Variants in PDE4D observed in about 807,000 individuals in gnomAD.
PDE4D encodes the protein 3',5'-cyclic-AMP phosphodiesterase 4D.
PDE4D carries 24 observed loss-of-function variants against 87.4 expected under a neutral mutation model. The observed-to-expected ratio is 0.27, with a 90% confidence interval of 0.20 to 0.39. PDE4D has a LOEUF of 0.39. Ranked by LOEUF, PDE4D falls within the 10% of genes least tolerant of loss-of-function variation. The pLI is 1.00. For synonymous variants in PDE4D, 384 were observed against 383.2 expected (o/e 1.00, Z -0.02); for missense variants, 714 against 1,041.0 (o/e 0.69, Z 4.32).
intron 1 of PDE4D, among the ~76,000 whole-genome samples, chr5:60,329,028 C>T (rs949025593): frequency 9.9e-5 from 15 of 152,272 alleles, no homozygotes; most frequent in South Asian, 6.2e-4. Flanking sequence ...TTTTCACAGT[C>T]GTCTCTCTTT....
chr5:59,966,431 A>T (rs1200915296), intron 3 of PDE4D, among the ~76,000 whole-genome samples: 1 of 152,180 alleles, frequency 6.6e-6, no homozygotes, highest in Non-Finnish European at 1.5e-5. Flanking sequence ...TTTCTCTCTC[A>T]GGTGTATAGG....
At chr5:59,447,620 A>G (rs887314894) in intron 1 of PDE4D, among the ~76,000 whole-genome samples, 1 of 152,260 alleles carries the variant, frequency 6.6e-6, no homozygotes, top group South Asian at 2.1e-4. Flanking sequence ...TGAGGAAGTA[A>G]CATTAGATAT....
chr5:59,015,992 C>T (rs1455812030), intron 6 of PDE4D, among the ~76,000 whole-genome samples: 1 of 152,088 alleles, frequency 6.6e-6, no homozygotes, highest in East Asian at 1.9e-4. Flanking sequence ...ATGGATGAAA[C>T]TGGAAGCCAT....
chr5:59,082,246 A>G (rs1334351938), intron 5 of PDE4D, among the ~76,000 whole-genome samples: 1 of 152,196 alleles, frequency 6.6e-6, no homozygotes, highest in East Asian at 1.9e-4. Flanking sequence ...TTTCATGGTA[A>G]TGAATAGCTT....
chr5:59,582,960 G>C (rs1229273253), intron 1 of PDE4D, among the ~76,000 whole-genome samples: 2 of 152,044 alleles, frequency 1.3e-5, no homozygotes, highest in Non-Finnish European at 2.9e-5. Context: ...TCCTCAGAGG[G>C]GCCCTCCATG....
intron 6 of PDE4D, among the ~76,000 whole-genome samples, chr5:59,012,310 C>A (rs528445395): frequency 3.0e-4 from 46 of 152,094 alleles, no homozygotes; most frequent in Non-Finnish European, 5.4e-4. Flanking sequence ...CAATATTAAC[C>A]TTATATGTAA....
intron 2 of PDE4D, among the ~76,000 whole-genome samples, chr5:59,196,569 C>T (rs1490605155): frequency 6.6e-6 from 1 of 152,094 alleles, no homozygotes; most frequent in East Asian, 1.9e-4. Context: ...GAAATATTTA[C>T]AGATACACCA....
chr5:59,097,811 C>T (rs921187968), intron 5 of PDE4D, among the ~76,000 whole-genome samples: 1 of 152,110 alleles, frequency 6.6e-6, no homozygotes, highest in African/African-American at 2.4e-5. Flanking sequence ...CAATTACAAG[C>T]CTTGTGTCTC....
In PDE4D at chr5:60,426,505, G is replaced by A. The variant is rs193130591; in HGVS notation, c.-90+61437C>T. 7.8e-3 allele frequency among the ~76,000 whole-genome samples: 1,187 copies of A among 151,892 alleles called. 16 individuals are homozygous for A. The highest frequency in any genetic ancestry group is 0.027 in the African/African-American group (1,126 of 41,476). On this transcript the variant is annotated intron_variant, in intron 1 of 16. Coordinates refer to the PDE4D transcript ENST00000502484. ...TGAGAACACTTGGACACAGGGTGGC[G>A]AACATCACACACCAGGGCCTGTTGG... is the stretch of plus-strand genomic sequence containing the variant.
intron 2 of PDE4D, among the ~76,000 whole-genome samples, chr5:60,008,484 T>C (rs564712944): frequency 6.6e-6 from 1 of 152,154 alleles, no homozygotes; most frequent in South Asian, 2.1e-4. Flanking sequence ...ACCACAGCTT[T>C]AGGTATTCTT....
chr5:59,710,154 C>T (rs1056131203), intron 1 of PDE4D, among the ~76,000 whole-genome samples: 2 of 152,040 alleles, frequency 1.3e-5, no homozygotes, highest in Admixed American at 1.3e-4. Flanking sequence ...CCAGGGAAGT[C>T]GGAAGAATTC....
intron 6 of PDE4D, among the ~76,000 whole-genome samples, chr5:59,038,587 C>G (rs1204115131): frequency 2.0e-5 from 3 of 152,184 alleles, no homozygotes; most frequent in Non-Finnish European, 4.4e-5. Flanking sequence ...TACTGGGTTT[C>G]TGCTGCAAGG....
At chr5:59,573,591 G>A (rs926181467) in intron 1 of PDE4D, among the ~76,000 whole-genome samples, 2 of 151,972 alleles carry the variant, frequency 1.3e-5, no homozygotes, top group Non-Finnish European at 2.9e-5. Flanking sequence ...TGGCTCTTTA[G>A]CACTAAATTC....
rs553857817 is a variant in PDE4D at position 59,339,006 on chromosome 5, T to A, written c.456-123038A>T. Among the ~76,000 whole-genome samples the A allele has an allele frequency of 2.0e-5, 3 of 152,316 alleles. No homozygotes were observed. The South Asian group carries it at 6.2e-4, about 32-fold the overall frequency. ...AGTGCCAAATTTGCAACCATTTAGG[T>A]CTCTGATGGTGATAACTTATTTATC... On this transcript the variant is annotated intron_variant, in intron 1 of 14. Transcript: ENST00000340635.
chr5:59,444,911 C>G (rs1264808657), intron 1 of PDE4D, among the ~76,000 whole-genome samples: 1 of 152,200 alleles, frequency 6.6e-6, no homozygotes, highest in Non-Finnish European at 1.5e-5. Flanking sequence ...GTTTGACAAT[C>G]CCCATTCAAG....
At chr5:59,712,943 A>G (rs1243085676) in intron 1 of PDE4D, among the ~76,000 whole-genome samples, 1 of 152,218 alleles carries the variant, frequency 6.6e-6, no homozygotes, top group South Asian at 2.1e-4. Context: ...ATGTTTTACT[A>G]TAACACTGGA....
intron 1 of PDE4D, among the ~76,000 whole-genome samples, chr5:59,502,669 T>A (rs1161550043): frequency 1.4e-4 from 7 of 49,878 alleles, no homozygotes; most frequent in African/African-American, 2.5e-4. Flanking sequence ...AGGTAGTGTG[T>A]GTGTGTGTGT....
At chr5:59,420,840 T>C (rs1156414700) in intron 1 of PDE4D, among the ~76,000 whole-genome samples, 3 of 152,124 alleles carry the variant, frequency 2.0e-5, no homozygotes, top group Non-Finnish European at 4.4e-5. Flanking sequence ...CCGGCATACA[T>C]TGTTCAAAAA....
At chr5:59,743,533 G>A (rs952743767) in intron 1 of PDE4D, among the ~76,000 whole-genome samples, 1 of 151,596 alleles carries the variant, frequency 6.6e-6, no homozygotes, top group Non-Finnish European at 1.5e-5. Flanking sequence ...ACACACACAC[G>A]TAAGTGTTGA....
Sources: gnomAD v4.1 joint callset for allele counts (sites outside exome capture counted in the v4.1 genomes callset) on GRCh38, gnomAD v4.1.1 for gene constraint, MANE v1.5 for transcripts, NCBI Gene and HGNC (gene_info 2026-07-23, HGNC 2026-07-21) for gene names.